Variants in CEP128 observed in about 807,000 individuals in gnomAD.
CEP128 encodes the protein centrosomal protein 128kDa.
Under a neutral mutation model 156.7 loss-of-function variants are expected in CEP128, and 132 were observed. The ratio of observed to expected loss-of-function variants is 0.84; its 90% CI spans 0.73 to 0.97. The LOEUF (loss-of-function observed/expected upper bound fraction) is 0.97, where lower values mean the gene tolerates loss of function less well. CEP128 is among the 50% of genes least tolerant of loss of function. CEP128 has a pLI of 0.00. For synonymous variants in CEP128, 469 were observed against 448.9 expected, an observed-to-expected ratio of 1.04 and a Z score of -0.57; for missense variants, 1,252 against 1,281.9, an observed-to-expected ratio of 0.98 and a Z score of 0.36.
At chr14:80,773,983 C>T (rs1392751704) in intron 16 of CEP128, among the ~76,000 whole-genome samples, 1 of 152,078 alleles carries the variant, frequency 6.6e-6, no homozygotes, top group Non-Finnish European at 1.5e-5. Context: ...CTGTGGGTTG[C>T]ATAACACTCG....
intron 4 of CEP128, among the ~76,000 whole-genome samples, chr14:80,907,045 C>T (rs1028150718): frequency 2.6e-5 from 4 of 152,118 alleles, no homozygotes; most frequent in South Asian, 2.1e-4. Flanking sequence ...AGGTAGAACA[C>T]CATTTACGGG....
At chr14:80,817,082 C>A (rs999158269) in intron 13 of CEP128, among the ~76,000 whole-genome samples, 2 of 151,846 alleles carry the variant, frequency 1.3e-5, no homozygotes, top group Non-Finnish European at 2.9e-5. Flanking sequence ...ACTAGACAAT[C>A]AAAGAGAACC....
At chr14:80,700,623 A>C (rs1897043802) in intron 19 of CEP128, among the ~76,000 whole-genome samples, 2 of 152,298 alleles carry the variant, frequency 1.3e-5, no homozygotes, top group South Asian at 4.1e-4. Context: ...AAACGGGCTT[A>C]GTCCTAGTCA....
chr14:80,670,280 T>C (rs781083256), intron 19 of CEP128, among the ~76,000 whole-genome samples: 2 of 152,194 alleles, frequency 1.3e-5, no homozygotes, highest in African/African-American at 4.8e-5. Flanking sequence ...CCTTTACTCA[T>C]GTGTTTAATT....
intron 2 of CEP128, among the ~76,000 whole-genome samples, chr14:80,930,417 C>T (rs1170611485): frequency 6.6e-6 from 1 of 152,052 alleles, no homozygotes; most frequent in Non-Finnish European, 1.5e-5. Context: ...TTGGTAAGCC[C>T]GCAAGCTACC....
Position 80,496,507 on chromosome 14 carries a change from C to A in CEP128, c.*972G>T, listed in dbSNP as rs974871287. ...ATATTACAAAGGTATTGCTTTATTG[C>A]CCTTGTCTATGCAGAATCCATGACC... On this transcript the variant is annotated 3_prime_UTR_variant, in exon 25 of 25. Transcript: ENST00000555265. 6.6e-6 allele frequency: 1 copy of A among 152,526 alleles called. No individual in the cohort carries two copies. The highest frequency in any genetic ancestry group is 2.4e-5 in the African/African-American group (1 of 41,412). 9.4% of individuals were successfully genotyped at this position (152,526 alleles called of 1,614,324 possible).
chr14:80,610,850 A>G (rs191576160), intron 19 of CEP128, among the ~76,000 whole-genome samples: 4 of 152,280 alleles, frequency 2.6e-5, no homozygotes, highest in African/African-American at 9.6e-5. Flanking sequence ...CATAGTTATT[A>G]AAAAAGAACG....
At chr14:80,789,979 AG>A (rs1401289290) in intron 14 of CEP128, among the ~76,000 whole-genome samples, 1 of 152,094 alleles carries the variant, frequency 6.6e-6, no homozygotes, top group African/African-American at 2.4e-5. Flanking sequence ...TGTATGTGAT[AG>A]GACTCCATAT....
At chr14:80,862,990 G>GTTTGCAAAGCC in intron 8 of CEP128, 117 bp from the exon 9 acceptor site, 1 of 618,446 alleles carries the variant, frequency 1.6e-6, no homozygotes, top group Non-Finnish European at 2.7e-6. Context: ...AGATTGTTTT[G>GTTTGCAAAGCC]TTTGCAAAGC....
intron 13 of CEP128, among the ~76,000 whole-genome samples, chr14:80,821,776 AG>A (rs1191105717): frequency 6.6e-6 from 1 of 151,790 alleles, no homozygotes; most frequent in African/African-American, 2.4e-5. Context: ...CCCAGACTCC[AG>A]TGATTCTCCC....
chr14:80,845,846 G>A (rs907536794), intron 9 of CEP128, among the ~76,000 whole-genome samples: 1 of 152,108 alleles, frequency 6.6e-6, no homozygotes, highest in Non-Finnish European at 1.5e-5. Context: ...GATAATGATG[G>A]AAATGGGCTT....
chr14:80,869,382 A>G lies in CEP128; in HGVS notation c.646-6509T>C, dbSNP rs1241263886. Among the ~76,000 whole-genome samples the G allele has an allele frequency of 2.0e-5, 3 of 152,074 alleles. No homozygotes were observed. The South Asian group carries it at 6.2e-4, about 31-fold the overall frequency. ...GGGTCAAATAAAAAATTTAAAAGAA[A>G]ATGAAAAAATTCCTTGATACAAATG... On this transcript the variant is annotated intron_variant, in intron 8 of 24. Coordinates refer to ENST00000555265, the MANE Select transcript of CEP128 (RefSeq NM_152446.5).
At chr14:80,510,174 T>C (rs1171518331) in intron 23 of CEP128, among the ~76,000 whole-genome samples, 1 of 152,182 alleles carries the variant, frequency 6.6e-6, no homozygotes, top group Non-Finnish European at 1.5e-5. Flanking sequence ...ATTGATCTTT[T>C]CATAGGGGTT....
chr14:80,646,868 T>C (rs1894654915), intron 19 of CEP128, among the ~76,000 whole-genome samples: 1 of 151,354 alleles, frequency 6.6e-6, no homozygotes, highest in South Asian at 2.1e-4. Context: ...TTTTACTTGA[T>C]TATTATCATA....
At chr14:80,889,173 A>G in intron 8 of CEP128, among the ~76,000 whole-genome samples, 1 of 152,258 alleles carries the variant, frequency 6.6e-6, no homozygotes, top group East Asian at 1.9e-4. Flanking sequence ...ATGGACATGA[A>G]GAATCAATAT....
chr14:80,892,198 G>T (rs1013754390), intron 8 of CEP128, among the ~76,000 whole-genome samples: 3 of 151,872 alleles, frequency 2.0e-5, no homozygotes, highest in African/African-American at 7.2e-5. Context: ...TGTGGTACTG[G>T]CATAAAAACA....
intron 13 of CEP128, among the ~76,000 whole-genome samples, chr14:80,810,359 A>G (rs1272322246): frequency 6.6e-6 from 1 of 150,566 alleles, no homozygotes; most frequent in Non-Finnish European, 1.5e-5. Context: ...GAATATACAA[A>G]ACAGCCAGAA....
chr14:80,566,343 A>G (rs1191162275), intron 20 of CEP128, among the ~76,000 whole-genome samples: 1 of 152,212 alleles, frequency 6.6e-6, no homozygotes, highest in Non-Finnish European at 1.5e-5. Flanking sequence ...AAAATTTGTC[A>G]GTCATTTTAA....
chr14:80,618,808 C>G (rs1459796815), intron 19 of CEP128, among the ~76,000 whole-genome samples: 5 of 152,158 alleles, frequency 3.3e-5, no homozygotes, highest in African/African-American at 7.2e-5. Context: ...CCTGTTAAAA[C>G]CCAGGTTCCT....
Sources: allele counts gnomAD v4.1 joint callset (sites outside exome capture counted in the v4.1 genomes callset), GRCh38; gene constraint gnomAD v4.1.1; transcripts MANE v1.5; gene names NCBI Gene and HGNC (gene_info 2026-07-23, HGNC 2026-07-21).